Variants in CSMD1 observed in about 807,000 individuals in gnomAD.
The protein encoded by CSMD1 is CUB and sushi domain-containing protein 1.
Under a neutral mutation model 417.5 loss-of-function variants are expected in CSMD1, and 213 were observed. The observed-to-expected ratio is 0.51, with a 90% CI of 0.46 to 0.57. CSMD1 has a LOEUF of 0.57. Ranked by LOEUF, CSMD1 falls within the 20% of genes least tolerant of loss-of-function variation. CSMD1 has a pLI of 0.00. For synonymous variants in CSMD1, 2,862 were observed against 1,736.8 expected (o/e 1.65, Z -16.11); for missense variants, 6,923 against 4,529.7 (o/e 1.53, Z -15.17).
intron 3 of CSMD1, among the ~76,000 whole-genome samples, chr8:4,049,543 C>A (rs2130683815): frequency 6.6e-6 from 1 of 152,126 alleles, no homozygotes; most frequent in Middle Eastern, 3.4e-3. Flanking sequence ...GGGCCAACCT[C>A]TTACCTGACT....
intron 5 of CSMD1, among the ~76,000 whole-genome samples, chr8:3,777,201 T>C (rs1798941259): frequency 6.6e-6 from 1 of 151,858 alleles, no homozygotes; most frequent in African/African-American, 2.4e-5. Context: ...TGTTATATTA[T>C]GTTTAAAATC....
intron 2 of CSMD1, among the ~76,000 whole-genome samples, chr8:4,515,082 T>A (rs962851534): frequency 6.6e-6 from 1 of 152,224 alleles, no homozygotes; most frequent in African/African-American, 2.4e-5. Flanking sequence ...TACTTTATAA[T>A]CCATTCTTTG....
intron 5 of CSMD1, among the ~76,000 whole-genome samples, chr8:3,895,502 A>T (rs1308180901): frequency 6.6e-6 from 1 of 152,154 alleles, no homozygotes; most frequent in African/African-American, 2.4e-5. Flanking sequence ...CCTATTATCA[A>T]TTTAAGTGTA....
chr8:4,174,169 G>A (rs541526642), intron 3 of CSMD1, among the ~76,000 whole-genome samples: 10 of 152,242 alleles, frequency 6.6e-5, no homozygotes, highest in East Asian at 3.9e-4. Flanking sequence ...GCCCCTAGAG[G>A]AGAATGTTAA....
At chr8:3,908,842 T>G (rs573027108) in intron 5 of CSMD1, among the ~76,000 whole-genome samples, 1 of 152,216 alleles carries the variant, frequency 6.6e-6, no homozygotes, top group African/African-American at 2.4e-5. Context: ...CAACGACATT[T>G]TGACTTCTCA....
chr8:4,228,417 T>G (rs1801497929), intron 3 of CSMD1, among the ~76,000 whole-genome samples: 1 of 152,072 alleles, frequency 6.6e-6, no homozygotes, highest in Non-Finnish European at 1.5e-5. Flanking sequence ...TTTGCTGAAT[T>G]TAAGCAGCAG....
intron 5 of CSMD1, among the ~76,000 whole-genome samples, chr8:3,952,069 T>A (rs546393945): frequency 6.6e-6 from 1 of 152,318 alleles, no homozygotes; most frequent in South Asian, 2.1e-4. Flanking sequence ...ATTCATTAGT[T>A]GTTTGAATAA....
chr8:4,423,508 G>A (rs1340937542), intron 2 of CSMD1, among the ~76,000 whole-genome samples: 3 of 151,986 alleles, frequency 2.0e-5, no homozygotes, highest in Admixed American at 6.6e-5. Flanking sequence ...GCCCAACAGT[G>A]TATACAGAAA....
intron 6 of CSMD1, among the ~76,000 whole-genome samples, chr8:3,720,881 G>A (rs1161274020): frequency 2.0e-5 from 3 of 150,294 alleles, no homozygotes; most frequent in African/African-American, 7.5e-5. Context: ...GCGTGATCTC[G>A]GCTCACTGCA....
intron 40 of CSMD1, among the ~76,000 whole-genome samples, chr8:3,149,540 T>A (rs1299677815): frequency 6.6e-6 from 1 of 152,158 alleles, no homozygotes; most frequent in African/African-American, 2.4e-5. Context: ...CGCAGTGGCG[T>A]GATCGTGGCT....
chr8:3,503,628 G>A lies in CSMD1; in HGVS notation c.1345-9902C>T, dbSNP rs13260522. 8.7e-3 allele frequency among the ~76,000 whole-genome samples: 1,330 copies of A among 152,302 alleles called. 10 individuals carry two copies. The highest frequency in any genetic ancestry group is 0.017 in the Middle Eastern group (5 of 294). ...AGCTTTAAATGGTACATAAATTACC[G>A]TAATTCTCTTTGTGCTGCCCTGCTA... On this transcript the variant is annotated intron_variant, in intron 10 of 69. Coordinates refer to ENST00000635120, the MANE Select transcript of CSMD1 (RefSeq NM_033225.6).
chr8:4,696,850 CAG>C (rs1807166386), intron 1 of CSMD1, among the ~76,000 whole-genome samples: 1 of 152,168 alleles, frequency 6.6e-6, no homozygotes, highest in African/African-American at 2.4e-5. Flanking sequence ...TAAGTAGTGA[CAG>C]AGCTGTAAAG....
intron 1 of CSMD1, among the ~76,000 whole-genome samples, chr8:4,960,260 G>C (rs897681294): frequency 3.9e-5 from 6 of 152,168 alleles, no homozygotes; most frequent in East Asian, 1.9e-4. Flanking sequence ...AAATGGAAAA[G>C]ATAAACTATA....
chr8:3,541,013 G>C (rs1798414433), intron 10 of CSMD1, among the ~76,000 whole-genome samples: 1 of 152,148 alleles, frequency 6.6e-6, no homozygotes, highest in African/African-American at 2.4e-5. Context: ...ATTTGACCCA[G>C]CAATCCCATT....
chr8:4,601,211 C>A (rs762959082), intron 2 of CSMD1, among the ~76,000 whole-genome samples: 7 of 152,214 alleles, frequency 4.6e-5, no homozygotes, highest in African/African-American at 1.7e-4. Flanking sequence ...ACACTTTGGC[C>A]GCCCAAAGTG....
chr8:4,121,640 G>T (rs947678888), intron 3 of CSMD1, among the ~76,000 whole-genome samples: 1 of 150,344 alleles, frequency 6.7e-6, no homozygotes, highest in South Asian at 2.1e-4. Context: ...AAAAAGAAGT[G>T]GGAATTCTTA....
intron 41 of CSMD1, among the ~76,000 whole-genome samples, chr8:3,132,099 G>T (rs945892722): frequency 1.3e-5 from 2 of 152,140 alleles, no homozygotes; most frequent in African/African-American, 4.8e-5. Flanking sequence ...TTCTGCTCAC[G>T]TGGAACTTTC....
intron 1 of CSMD1, among the ~76,000 whole-genome samples, chr8:4,942,773 T>A (rs917550494): frequency 6.6e-6 from 1 of 152,148 alleles, no homozygotes; most frequent in African/African-American, 2.4e-5. Flanking sequence ...CATACACAGA[T>A]GATGTAGCTA....
At chr8:3,635,292 G>T (rs1796978607) in intron 7 of CSMD1, among the ~76,000 whole-genome samples, 1 of 151,898 alleles carries the variant, frequency 6.6e-6, no homozygotes, top group Non-Finnish European at 1.5e-5. Context: ...CGGCCAAGAT[G>T]GCAAAACCCC....
Sources: gnomAD v4.1 joint callset for allele counts (sites outside exome capture counted in the v4.1 genomes callset) on GRCh38, gnomAD v4.1.1 for gene constraint, MANE v1.5 for transcripts, NCBI Gene and HGNC (gene_info 2026-07-23, HGNC 2026-07-21) for gene names.